The following IL31RA variants were observed in gnomAD, a reference collection of about 807,000 sequenced individuals.
IL31RA encodes the protein interleukin 31 receptor A.
A neutral mutation model predicts 83.7 loss-of-function variants in IL31RA; 66 were observed. The ratio of observed to expected loss-of-function variants is 0.79; its 90% CI spans 0.65 to 0.97. The LOEUF is 0.97. Ranked by LOEUF, IL31RA falls within the 50% of genes least tolerant of loss-of-function variation. The pLI, the probability that IL31RA is intolerant of heterozygous loss-of-function variation, is 0.00. For synonymous variants in IL31RA, 325 were observed against 329.0 expected, an observed-to-expected ratio of 0.99 and a Z score of 0.13; for missense variants, 798 against 919.4, an observed-to-expected ratio of 0.87 and a Z score of 1.71.
intron 5 of IL31RA, among the ~76,000 whole-genome samples, chr5:55,883,891 C>G (rs931385448): frequency 1.3e-5 from 2 of 152,056 alleles, no homozygotes; most frequent in African/African-American, 2.4e-5. Context: ...TAATGTTTGG[C>G]TTCTATCTCT....
At chr5:55,846,153 T>C in the IL31RA span, among the ~76,000 whole-genome samples, 5 of 152,202 alleles carry the variant, frequency 3.3e-5, no homozygotes, top group Non-Finnish European at 7.3e-5. Context: ...CTCTCCAATT[T>C]TGGGGACAGT....
At chr5:55,878,514 T>C (rs748381493) in intron 4 of IL31RA, among the ~76,000 whole-genome samples, 1 of 152,218 alleles carries the variant, frequency 6.6e-6, no homozygotes, top group Non-Finnish European at 1.5e-5. Context: ...CTGTTCTTCA[T>C]AGATTAGCTG....
intron 2 of IL31RA, among the ~76,000 whole-genome samples, chr5:55,865,375 G>C (rs1287768754): frequency 2.6e-5 from 4 of 152,126 alleles, no homozygotes; most frequent in Admixed American, 1.3e-4. Context: ...CTTCTCTGGA[G>C]AGAGCGAGAA....
chr5:55,848,991 G>C (rs1217818265), upstream of IL31RA, among the ~76,000 whole-genome samples: 1 of 152,230 alleles, frequency 6.6e-6, no homozygotes, highest in East Asian at 1.9e-4. Context: ...TGAGGTGTCA[G>C]ACTGAGAATG....
chr5:55,900,433 C>G (rs1442123600), intron 8 of IL31RA, among the ~76,000 whole-genome samples: 1 of 152,170 alleles, frequency 6.6e-6, no homozygotes, highest in Non-Finnish European at 1.5e-5. Context: ...TGAATGTAAG[C>G]TGGGTCAAGT....
At chr5:55,872,896 T>G (rs1049584347) in intron 4 of IL31RA, among the ~76,000 whole-genome samples, 8 of 152,298 alleles carry the variant, frequency 5.3e-5, no homozygotes, top group African/African-American at 1.9e-4. Context: ...CTTTTAAAAT[T>G]ATAACTGTAT....
At chr5:55,876,627 T>C (rs1209652765) in intron 4 of IL31RA, among the ~76,000 whole-genome samples, 3 of 152,250 alleles carry the variant, frequency 2.0e-5, no homozygotes, top group Non-Finnish European at 4.4e-5. Flanking sequence ...GATTTTAGTA[T>C]GCCCACCCTG....
Position 55,872,304 on chromosome 5 carries a change from A to G in IL31RA, c.307A>G (p.Asn103Asp), listed in dbSNP as rs59086632. 0.025 allele frequency: 40,521 copies of G among 1,613,286 alleles called. 1,192 individuals are homozygous for G. Among genetic ancestry groups the G allele is most frequent in the African/African-American group, 0.15 (11,189 of 74,950 alleles). ...FGEKHDNCTT[N>D]SSTSENRASC... is the part of the protein sequence containing the mutation. The stretch of plus-strand genomic sequence containing the variant: ...AGAAAAACATGATAATTGTACAACC[A>G]ATAGTTCTACAAGTGAAAATCGTGC... The change falls in exon 4 of 15, where the codon AAT (asparagine) becomes GAT (aspartate). Residue 103 changes from asparagine to aspartate, a missense_variant. Physicochemically the swap from Asn to Asp is conservative, Grantham distance 23 (BLOSUM62 1). Transcript: ENST00000652347.
chr5:55,909,862 G>A (rs56252752), intron 11 of IL31RA, among the ~76,000 whole-genome samples: 32,944 of 152,010 alleles, frequency 0.22, 4,301 homozygotes, highest in East Asian at 0.48. Flanking sequence ...GCACCACCAC[G>A]TCCAGCTAAT....
At chr5:55,915,495 G>T (rs370147230) in intron 14 of IL31RA, among the ~76,000 whole-genome samples, 2 of 152,128 alleles carry the variant, frequency 1.3e-5, no homozygotes, top group Non-Finnish European at 2.9e-5. Flanking sequence ...GTGGAAAACC[G>T]TTAGGGAAAT....
intron 2 of IL31RA, among the ~76,000 whole-genome samples, chr5:55,860,081 A>G (rs1745582271): frequency 6.6e-6 from 1 of 152,214 alleles, no homozygotes; most frequent in African/African-American, 2.4e-5. Context: ...AATAAAAGTT[A>G]GGTGAGGTCT....
intron 5 of IL31RA, among the ~76,000 whole-genome samples, chr5:55,884,591 T>A (rs1469130519): frequency 6.6e-6 from 1 of 152,164 alleles, no homozygotes; most frequent in Admixed American, 6.5e-5. Context: ...TATGCCACCA[T>A]GCCTGGCTGA....
chr5:55,911,518 G>A (rs1749502112), intron 12 of IL31RA, among the ~76,000 whole-genome samples: 1 of 152,142 alleles, frequency 6.6e-6, no homozygotes, highest in East Asian at 1.9e-4. Context: ...AAAGACATAT[G>A]ATATATTTAA....
At chr5:55,853,297 T>TTTTTGTTTTTGC (rs1745163580) in intron 1 of IL31RA, 1 of 1,216,276 alleles carries the variant, frequency 8.2e-7, no homozygotes, top group African/African-American at 1.6e-5. Flanking sequence ...GAGTTGAGTG[T>TTTTTGTTTTTGC]TTTTGTTTTT....
At chr5:55,911,372 G>A (rs1749491654) in intron 12 of IL31RA, among the ~76,000 whole-genome samples, 1 of 152,190 alleles carries the variant, frequency 6.6e-6, no homozygotes, top group Admixed American at 6.5e-5. Context: ...AATTCAAGAT[G>A]TGATTTGGGT....
At chr5:55,908,882 A>G in intron 11 of IL31RA, 8 of 1,310,976 alleles carry the variant, frequency 6.1e-6, no homozygotes, top group Non-Finnish European at 7.7e-6. Flanking sequence ...ATTTTTTCTT[A>G]TGGTAAAATA....
intron 5 of IL31RA, among the ~76,000 whole-genome samples, chr5:55,884,957 C>A (rs746733365): frequency 1.3e-5 from 2 of 152,130 alleles, no homozygotes; most frequent in African/African-American, 2.4e-5. Flanking sequence ...TACTTTTTAA[C>A]TTTTCAGTAT....
At chr5:55,898,954 G>A (rs1224492429) in intron 7 of IL31RA, among the ~76,000 whole-genome samples, 1 of 152,078 alleles carries the variant, frequency 6.6e-6, no homozygotes, top group Non-Finnish European at 1.5e-5. Context: ...AATCCAAGAG[G>A]CGGAGGTTGC....
In IL31RA at chr5:55,914,784, C is replaced by T. The variant is rs58699293; in HGVS notation, c.1737-63C>T. 4.3e-3 allele frequency: 5,069 copies of T among 1,168,764 alleles called. 174 individuals carry two copies. In the African/African-American group the frequency reaches 0.069, roughly 16 times the overall value. The allele number at this position is 1,168,764 out of a possible 1,614,324, so 72.4% of individuals were successfully genotyped here. ...TTAGCACAGCCTCACTCTTTTGACT[C>T]AGCCATATGGTGCTAATGCTTCTTG... On this transcript the variant is annotated intron_variant, in intron 13 of 14. Transcript: ENST00000652347.
Sources: allele counts gnomAD v4.1 joint callset (sites outside exome capture counted in the v4.1 genomes callset), GRCh38; gene constraint gnomAD v4.1.1; transcripts MANE v1.5; gene names NCBI Gene and HGNC (gene_info 2026-07-23, HGNC 2026-07-21).